MRPL14: variants seen among roughly 807,000 people sequenced by gnomAD.
MRPL14 encodes large ribosomal subunit protein uL14m.
Under a neutral mutation model 10.9 loss-of-function variants are expected in MRPL14, and 8 were observed. The ratio of observed to expected loss-of-function variants is 0.74; its 90% confidence interval spans 0.43 to 1.33. MRPL14 has a LOEUF of 1.33. Ranked by LOEUF, MRPL14 falls within the 40% of genes most tolerant of loss-of-function variation. MRPL14 has a pLI of 0.01. For missense variants in MRPL14, 179 were observed against 194.5 expected, an observed-to-expected ratio of 0.92 and a Z score of 0.47; for synonymous variants, 82 against 74.1, an observed-to-expected ratio of 1.11 and a Z score of -0.54.
chr6:44,123,219 A>G (rs763263696), intron 1 of MRPL14, among the ~76,000 whole-genome samples: 1 of 152,248 alleles, frequency 6.6e-6, no homozygotes, highest in Non-Finnish European at 1.5e-5. Flanking sequence ...AAATGAAGAC[A>G]GAAATGCTAA....
At chr6:44,119,224 T>G (rs1776169531) in intron 1 of MRPL14, among the ~76,000 whole-genome samples, 1 of 152,104 alleles carries the variant, frequency 6.6e-6, no homozygotes, top group Non-Finnish European at 1.5e-5. Flanking sequence ...TCTTGTTCCA[T>G]CAAGAATACT....
intron 1 of MRPL14, among the ~76,000 whole-genome samples, chr6:44,117,586 A>G (rs572451840): frequency 1.3e-5 from 2 of 152,278 alleles, no homozygotes; most frequent in South Asian, 2.1e-4. Context: ...AAACCACCTC[A>G]GATAAGATTT....
Position 44,114,104 on chromosome 6 carries a change from A to AT in MRPL14, c.176dup (p.His59GlnfsTer4). ...TGCCCACTCCATTCTTCTTATAGAC[A>AT]TGGATGCAGCGAGGAGCCCGATGGT... On this transcript the variant is annotated frameshift_variant, in exon 3 of 3. Coordinates refer to ENST00000372014, the MANE Select transcript of MRPL14 (RefSeq NM_032111.4). LOFTEE classifies it high-confidence loss of function. 6.2e-7 allele frequency: 1 copy of AT among 1,614,146 alleles called. No individual in the cohort carries two copies. The highest frequency in any genetic ancestry group is 1.1e-5 in the South Asian group (1 of 91,064).
In MRPL14 at chr6:44,113,990, G is replaced by A. The variant is rs370557602; in HGVS notation, c.291C>T (p.Thr97=). ...VGHCMPGPRM[T]PRFDSNNVVL... ...CCACGTTGTTGGAGTCGAATCTGGG[G>A]GTCATTCGGGGGCCAGGCATGCAGT... Residue 97 remains threonine, a synonymous_variant, in exon 3 of 3, where the codon ACC becomes ACT. Transcript: ENST00000372014. The A allele has an allele frequency of 6.2e-7, 1 of 1,614,114 alleles. No homozygotes were observed.
chr6:44,126,586 T>C (rs940773193), intron 1 of MRPL14, among the ~76,000 whole-genome samples: 2 of 152,234 alleles, frequency 1.3e-5, no homozygotes, highest in Non-Finnish European at 1.5e-5. Context: ...GTGTCTGTCA[T>C]ATGCCCTTTT....
intron 1 of MRPL14, among the ~76,000 whole-genome samples, chr6:44,125,654 C>CAAAAAA (rs56951374): frequency 2.3e-4 from 15 of 64,590 alleles, no homozygotes; most frequent in Non-Finnish European, 2.8e-4. Context: ...GAGACTGTCT[C>CAAAAAA]AAAAAAAAAA....
At chr6:44,120,848 C>G (rs961976804) in intron 1 of MRPL14, among the ~76,000 whole-genome samples, 1 of 152,106 alleles carries the variant, frequency 6.6e-6, no homozygotes, top group South Asian at 2.1e-4. Context: ...TTTTTGGAAT[C>G]AGGACATGTC....
intron 1 of MRPL14, among the ~76,000 whole-genome samples, chr6:44,119,188 T>G (rs1305017721): frequency 6.6e-6 from 1 of 152,132 alleles, no homozygotes; most frequent in Non-Finnish European, 1.5e-5. Context: ...AATTTAAATA[T>G]TAATATTTTA....
chr6:44,119,845 C>T (rs1239904416), intron 1 of MRPL14, among the ~76,000 whole-genome samples: 4 of 151,934 alleles, frequency 2.6e-5, no homozygotes, highest in Non-Finnish European at 5.9e-5. Context: ...GCGTCCTGAA[C>T]AACGCCACAG....
At chr6:44,124,494 G>A (rs929834836) in intron 1 of MRPL14, among the ~76,000 whole-genome samples, 4 of 152,248 alleles carry the variant, frequency 2.6e-5, no homozygotes, top group Non-Finnish European at 5.9e-5. Flanking sequence ...GGAAGAGCAA[G>A]CTCGTTCCCT....
In MRPL14 at chr6:44,116,629, C is replaced by A. The variant is rs768829683; in HGVS notation, c.-18G>T. On this transcript the variant is annotated splice_region_variant and 5_prime_UTR_variant, in exon 2 of 3. Coordinates refer to ENST00000372014, the MANE Select transcript of MRPL14 (RefSeq NM_032111.4). ...AAAGCCATGGGATCCCAAGATAGAT[C>A]CTGCAGGAAAAACGAGAGGGGGAAA... 2 of 1,612,886 alleles carry A rather than the reference C, an allele frequency of 1.2e-6. No homozygotes were observed. The highest frequency in any genetic ancestry group is 1.7e-5 in the Admixed American group (1 of 59,930).
chr6:44,123,257 A>G (rs942706764), intron 1 of MRPL14, among the ~76,000 whole-genome samples: 1 of 152,248 alleles, frequency 6.6e-6, no homozygotes, highest in African/African-American at 2.4e-5. Context: ...GTCCAAGGTT[A>G]CAAGGCAACA....
chr6:44,119,912 C>A (rs1399823142), intron 1 of MRPL14, among the ~76,000 whole-genome samples: 1 of 152,068 alleles, frequency 6.6e-6, no homozygotes, highest in African/African-American at 2.4e-5. Context: ...AGTGCAACAC[C>A]CTGCCTCTCA....
chr6:44,120,301 A>G (rs1776275516), intron 1 of MRPL14, among the ~76,000 whole-genome samples: 2 of 152,240 alleles, frequency 1.3e-5, no homozygotes. Flanking sequence ...ATACTTTGAG[A>G]TAAGTCTGAT....
At chr6:44,115,901 A>G (rs1186921320) in intron 2 of MRPL14, among the ~76,000 whole-genome samples, 1 of 152,232 alleles carries the variant, frequency 6.6e-6, no homozygotes, top group East Asian at 1.9e-4. Flanking sequence ...AGCACTGTAC[A>G]ATCCTCTATT....
intron 2 of MRPL14, 89 bp from the exon 3 acceptor site, chr6:44,114,298 T>C: frequency 6.9e-7 from 1 of 1,447,128 alleles, no homozygotes. Context: ...AGGGAGAATG[T>C]ACATGTCAGC....
At chr6:44,125,130 T>C (rs139769670) in intron 1 of MRPL14, among the ~76,000 whole-genome samples, 138 of 152,326 alleles carry the variant, frequency 9.1e-4, no homozygotes, top group Middle Eastern at 3.4e-3. Flanking sequence ...TTATCTTTAA[T>C]ATTCAGGAGC....
chr6:44,126,226 G>A (rs1049184751), intron 1 of MRPL14, among the ~76,000 whole-genome samples: 5 of 152,176 alleles, frequency 3.3e-5, no homozygotes, highest in East Asian at 1.9e-4. Context: ...ACACCTCCTA[G>A]TACACTCACA....
intron 1 of MRPL14, 31 bp from the exon 2 acceptor site, chr6:44,116,660 GT>G: frequency 6.4e-7 from 1 of 1,564,436 alleles, no homozygotes; most frequent in Non-Finnish European, 8.8e-7. Context: ...GGAAAAATTG[GT>G]TTCTAAGTCA....
Sources: allele counts gnomAD v4.1 joint callset (sites outside exome capture counted in the v4.1 genomes callset), GRCh38; gene constraint gnomAD v4.1.1; transcripts MANE v1.5; gene names NCBI Gene and HGNC (gene_info 2026-07-23, HGNC 2026-07-21).